ALDH1L2: variants seen among roughly 807,000 people sequenced by gnomAD.
ALDH1L2 encodes the protein mitochondrial 10-formyltetrahydrofolate dehydrogenase.
In ALDH1L2, 91 loss-of-function variants were observed where a neutral mutation model predicts 111.0. The ratio of observed to expected loss-of-function variants is 0.82; its 90% CI spans 0.69 to 0.98. The LOEUF (loss-of-function observed/expected upper bound fraction) is 0.98. Ranked by LOEUF, ALDH1L2 falls within the 50% of genes least tolerant of loss-of-function variation. The pLI is 0.00. For missense variants in ALDH1L2, 995 were observed against 1,126.8 expected (o/e 0.88, Z 1.67); for synonymous variants, 374 against 392.6 (o/e 0.95, Z 0.56).
chr12:105,027,026 TG>T (rs1251075032), intron 21 of ALDH1L2, among the ~76,000 whole-genome samples: 4 of 152,314 alleles, frequency 2.6e-5, no homozygotes, highest in African/African-American at 9.6e-5. Context: ...TGTGCCACCA[TG>T]CTCAGCTAAT....
intron 18 of ALDH1L2, among the ~76,000 whole-genome samples, chr12:105,036,012 A>G (rs1414301002): frequency 8.8e-6 from 1 of 112,998 alleles, no homozygotes; most frequent in African/African-American, 4.3e-5. Flanking sequence ...ATATATGTGT[A>G]TATATATTAT....
intron 14 of ALDH1L2, 41 bp from the exon 15 acceptor site, chr12:105,046,856 A>C: frequency 6.2e-7 from 1 of 1,612,460 alleles, no homozygotes; most frequent in Non-Finnish European, 8.5e-7. Flanking sequence ...TGTTTCAAAT[A>C]ACACAACTCA....
At position 105,066,610 on chromosome 12, in the gene ALDH1L2, T is replaced by G. The variant is rs757804583; in HGVS notation, c.654A>C (p.Glu218Asp). ...TCTGGATACCTTCATATGTTGCCCC[T>G]TCTTCTGGCTGGGGTATACGAGGAG... ...GKAPRIPQPE[E>D]GATYEGIQKK... is the part of the protein sequence containing the mutation. Residue 218 changes from glutamate to aspartate, a missense_variant, in exon 5 of 23, where the codon GAA becomes GAC. Coordinates refer to ENST00000258494, the MANE Select transcript of ALDH1L2 (RefSeq NM_001034173.4). The G allele has an allele frequency of 6.2e-7, 1 of 1,614,196 alleles. No individual in the cohort carries two copies. The highest frequency in any genetic ancestry group is 8.5e-7 in the Non-Finnish European group (1 of 1,180,032).
intron 18 of ALDH1L2, among the ~76,000 whole-genome samples, chr12:105,035,165 A>G (rs2136052215): frequency 6.6e-6 from 1 of 152,186 alleles, no homozygotes; most frequent in East Asian, 1.9e-4. Flanking sequence ...TATGTTGCCC[A>G]GGCTGGACTC....
intron 9 of ALDH1L2, chr12:105,060,638 A>C (rs894404350): frequency 1.1e-5 from 2 of 181,458 alleles, no homozygotes; most frequent in African/African-American, 2.4e-5. Flanking sequence ...CAGCCTAACC[A>C]ACATGGAGAA....
At position 105,070,668 on chromosome 12, in the gene ALDH1L2, C is replaced by T. The variant is rs1877631537; in HGVS notation, c.330G>A (p.Gln110=). ...TATCAATTATATCCATGGGAATGAA[C>T]TGAGTGCAGAAAGGGAGCACATTTA... is the stretch of plus-strand genomic sequence containing the variant. ...AELNVLPFCT[Q]FIPMDIIDSP... Residue 110 remains glutamine, a synonymous_variant, in exon 3 of 23, where the codon CAG becomes CAA. Coordinates refer to ENST00000258494, the MANE Select transcript of ALDH1L2 (RefSeq NM_001034173.4). The T allele has an allele frequency of 6.2e-7, 1 of 1,614,048 alleles. No individual in the cohort carries two copies. Among genetic ancestry groups the T allele is most frequent in the Admixed American group, 1.7e-5 (1 of 60,016 alleles).
At chr12:105,084,220 GTCTC>G (rs772217730) in intron 1 of ALDH1L2, among the ~76,000 whole-genome samples, 165 bp downstream of exon 1, 8 of 152,140 alleles carry the variant, frequency 5.3e-5, no homozygotes, top group African/African-American at 1.2e-4. Context: ...CTCCTCTGAG[GTCTC>G]TCTGTTTTTG....
At position 105,036,150 on chromosome 12, in the gene ALDH1L2, ATG is replaced by A. The variant is rs1168267476; in HGVS notation, c.2146-1754_2146-1753del. ...ATTATATATATACGTATATTTATAT[ATG>A]TGTATATAATATATACACGTATATT... On this transcript the variant is annotated intron_variant, in intron 18 of 22. Transcript: ENST00000258494. Among the ~76,000 whole-genome samples, 10 of 60,226 alleles carry A rather than the reference ATG, an allele frequency of 1.7e-4. 2 individuals are homozygous for A. Among genetic ancestry groups the A allele is most frequent in the Non-Finnish European group, 1.6e-4 (6 of 38,362 alleles). The allele number at this position is 60,226 out of a possible 152,430, so 39.5% of individuals were successfully genotyped here. A position where few individuals can be genotyped will look rare whatever the true frequency, so the allele number is the denominator to read the frequency against.
intron 22 of ALDH1L2, among the ~76,000 whole-genome samples, chr12:105,024,719 T>G (rs1874331323): frequency 6.6e-6 from 1 of 152,246 alleles, no homozygotes; most frequent in Non-Finnish European, 1.5e-5. Context: ...AACCATTCCC[T>G]GATGATGCTG....
At position 105,034,363 on chromosome 12, in the gene ALDH1L2, G is replaced by A; in HGVS notation, c.2181C>T (p.Asn727=). ...CGAACAACCGCCCAGCAGCAATACA[G>A]TTCTCTCCTTTGTTGAAAAATACTG... ...MGAVFFNKGE[N]CIAAGRLFVE... The change falls in exon 19 of 23, where the codon AAC becomes AAT. Residue 727 remains asparagine (N), a synonymous_variant. Transcript: ENST00000258494. 6.2e-7 allele frequency: 1 copy of A among 1,612,044 alleles called. No individual in the cohort carries two copies. Among genetic ancestry groups the A allele is most frequent in the Non-Finnish European group, 8.5e-7 (1 of 1,179,518 alleles).
At chr12:105,057,032 G>A (rs11112351) in intron 10 of ALDH1L2, among the ~76,000 whole-genome samples, 2,142 of 150,440 alleles carry the variant, frequency 0.014, 64 homozygotes, top group African/African-American at 0.05. Flanking sequence ...ATCTAGTATC[G>A]AAAATATACG....
intron 1 of ALDH1L2, among the ~76,000 whole-genome samples, chr12:105,076,540 A>G (rs1878060475): frequency 6.6e-6 from 1 of 152,204 alleles, no homozygotes; most frequent in Non-Finnish European, 1.5e-5. Flanking sequence ...TTATTATCCT[A>G]GTGCCTATTG....
rs896488320 is a variant in ALDH1L2 at position 105,068,714 on chromosome 12, C to A, written c.594+5G>T. On this transcript the variant is annotated splice_donor_5th_base_variant and intron_variant, in intron 4 of 22. Coordinates refer to ENST00000258494, the MANE Select transcript of ALDH1L2 (RefSeq NM_001034173.4). ...ACTAAATTCTGGGTGGCAAAATATACTAACCATGGCCTTGATTCCTTCAGG... is the reference window on the plus strand; with the variant it reads ...ACTAAATTCTGGGTGGCAAAATATAATAACCATGGCCTTGATTCCTTCAGG... The A allele has an allele frequency of 5.4e-6, 8 of 1,469,558 alleles. No homozygotes were observed. Among genetic ancestry groups the A allele is most frequent in the Non-Finnish European group, 6.3e-6 (7 of 1,107,402 alleles). 91.0% of individuals were successfully genotyped at this position (1,469,558 alleles called of 1,614,324 possible).
chr12:105,027,370 T>G (rs556616531), intron 21 of ALDH1L2, among the ~76,000 whole-genome samples: 8 of 152,354 alleles, frequency 5.3e-5, no homozygotes, highest in African/African-American at 1.9e-4. Context: ...CTCCCACTTC[T>G]AGATGGATTT....
In ALDH1L2 at chr12:105,039,755, C is replaced by G; in HGVS notation, c.2003G>C (p.Gly668Ala). The part of the protein sequence containing the change: ...LSEHPDIRKL[G>A]FTGSTPIGKQ... ...GCCAATAGGAGTGGATCCAGTGAAA[C>G]CAAGTTTGCGGATGTCAGGATGTTC... Residue 668 changes from glycine (G) to alanine (A), a missense_variant, in exon 17 of 23, where the codon GGT (glycine) becomes GCT (alanine). Coordinates refer to ENST00000258494, the MANE Select transcript of ALDH1L2 (RefSeq NM_001034173.4). 1 of 1,614,032 alleles carries G rather than the reference C, an allele frequency of 6.2e-7. No individual in the cohort carries two copies. Among genetic ancestry groups the G allele is most frequent in the Non-Finnish European group, 8.5e-7 (1 of 1,179,988 alleles).
intron 19 of ALDH1L2, among the ~76,000 whole-genome samples, chr12:105,032,174 C>CTTTTTTTT (rs59767606): frequency 9.4e-6 from 1 of 105,968 alleles, no homozygotes; most frequent in Non-Finnish European, 1.9e-5. Context: ...CCTCGAACTT[C>CTTTTTTTT]TTTTTTTTTT....
At chr12:105,029,828 T>C (rs1302696007) in intron 21 of ALDH1L2, among the ~76,000 whole-genome samples, 1 of 152,204 alleles carries the variant, frequency 6.6e-6, no homozygotes, top group African/African-American at 2.4e-5. Context: ...TAAGCTGAAC[T>C]CTTTGCAAAG....
At chr12:105,063,835 G>T (rs918149700) in intron 6 of ALDH1L2, among the ~76,000 whole-genome samples, 28 of 152,118 alleles carry the variant, frequency 1.8e-4, no homozygotes, top group African/African-American at 6.5e-4. Flanking sequence ...GACGCTGACT[G>T]CATTATTATT....
intron 20 of ALDH1L2, among the ~76,000 whole-genome samples, 165 bp downstream of exon 20, chr12:105,031,604 T>G (rs1379560152): frequency 6.6e-6 from 1 of 152,168 alleles, no homozygotes; most frequent in East Asian, 1.9e-4. Context: ...TTAAAGTGAT[T>G]CTTGTGCCTC....
Sources: gnomAD v4.1 joint callset for allele counts (sites outside exome capture counted in the v4.1 genomes callset) on GRCh38, gnomAD v4.1.1 for gene constraint, MANE v1.5 for transcripts, NCBI Gene and HGNC (gene_info 2026-07-23, HGNC 2026-07-21) for gene names.